The following MTIF2 variants were observed in gnomAD, a reference collection of about 807,000 sequenced individuals.
MTIF2 encodes mitochondrial translational initiation factor 2.
In MTIF2, 71 loss-of-function variants were observed where a neutral mutation model predicts 83.5. That is an observed-to-expected ratio of 0.85 (90% confidence interval 0.70 to 1.04). MTIF2 has a LOEUF of 1.04. Among genes scored for constraint, MTIF2 ranks in the 50% least tolerant of loss-of-function variants. The pLI is 0.00. For missense variants in MTIF2, 957 were observed against 846.5 expected, an observed-to-expected ratio of 1.13 and a Z score of -1.62; for synonymous variants, 319 against 287.1, an observed-to-expected ratio of 1.11 and a Z score of -1.12.
intron 10 of MTIF2, among the ~76,000 whole-genome samples, chr2:55,245,757 A>G (rs1300471666): frequency 6.6e-6 from 1 of 152,012 alleles, no homozygotes; most frequent in Non-Finnish European, 1.5e-5. Flanking sequence ...AATTTAAAAA[A>G]AAAATAATTT....
chr2:55,249,362 C>T (rs114895901), intron 9 of MTIF2, 33 bp downstream of exon 9: 2 of 1,609,934 alleles, frequency 1.2e-6, no homozygotes, highest in Admixed American at 3.4e-5. Context: ...GCATTCCCAT[C>T]CAGGCATATT....
chr2:55,262,109 T>C (rs1483178010), intron 5 of MTIF2, among the ~76,000 whole-genome samples: 1 of 152,188 alleles, frequency 6.6e-6, no homozygotes, highest in African/African-American at 2.4e-5. Flanking sequence ...TCCACTTTAA[T>C]TAAAAGCAAA....
intron 3 of MTIF2, among the ~76,000 whole-genome samples, chr2:55,264,756 T>C (rs911577986): frequency 6.6e-6 from 1 of 152,226 alleles, no homozygotes; most frequent in African/African-American, 2.4e-5. Flanking sequence ...CCAATATTTA[T>C]TGAATAATGC....
intron 6 of MTIF2, among the ~76,000 whole-genome samples, 188 bp from the exon 7 acceptor site, chr2:55,254,389 T>C (rs1232570795): frequency 2.0e-5 from 3 of 152,184 alleles, no homozygotes; most frequent in Non-Finnish European, 4.4e-5. Flanking sequence ...TACCTGTGGT[T>C]TGCATTTTCA....
chr2:55,243,230 T>C (rs1309739569), intron 12 of MTIF2, 150 bp from the exon 13 acceptor site: 2 of 1,040,490 alleles, frequency 1.9e-6, no homozygotes, highest in Middle Eastern at 2.4e-4. Context: ...CATATCTACT[T>C]GACTTAATAG....
In MTIF2 at chr2:55,260,291, C is replaced by T. The variant is rs150988123; in HGVS notation, c.331+2025G>A. Among the ~76,000 whole-genome samples the T allele has an allele frequency of 1.6e-3, 243 of 150,712 alleles. 1 individual carries two copies. In the Middle Eastern group the frequency reaches 0.017, roughly 11 times the overall value. ...GCACATGCCTGTAATCCCAGCTACT[C>T]GGGAGGCTTGAGACAGGAGAATTGC... On this transcript the variant is annotated intron_variant, in intron 5 of 15. Transcript: ENST00000263629.
chr2:55,237,184 G>T, intron 15 of MTIF2, 104 bp downstream of exon 15: 1 of 1,290,188 alleles, frequency 7.8e-7, no homozygotes, highest in Non-Finnish European at 1.1e-6. Flanking sequence ...AATGGCCTGA[G>T]CTGAGATTAT....
At chr2:55,251,300 A>G (rs1677078760) in intron 8 of MTIF2, among the ~76,000 whole-genome samples, 1 of 152,116 alleles carries the variant, frequency 6.6e-6, no homozygotes. Flanking sequence ...CCCTAGAATC[A>G]TTAAGAACAT....
intron 3 of MTIF2, among the ~76,000 whole-genome samples, chr2:55,266,180 C>T (rs752182797): frequency 1.3e-5 from 2 of 152,010 alleles, no homozygotes; most frequent in Non-Finnish European, 2.9e-5. Context: ...AATGCGTTTA[C>T]CTTAACCATA....
At chr2:55,248,853 TG>T (rs1676886320) in intron 9 of MTIF2, among the ~76,000 whole-genome samples, 1 of 152,170 alleles carries the variant, frequency 6.6e-6, no homozygotes. Context: ...AGACAGTCTT[TG>T]GTCAGGCATG....
At chr2:55,252,758 T>A in intron 7 of MTIF2, 105 bp from the exon 8 acceptor site, 1 of 763,084 alleles carries the variant, frequency 1.3e-6, no homozygotes, top group East Asian at 2.7e-5. Context: ...TTCTTTAAAA[T>A]AATTTTATTC....
Position 55,252,621 on chromosome 2 carries a change from GA to G in MTIF2, c.696del (p.Asp234IlefsTer11). On this transcript the variant is annotated frameshift_variant, in exon 8 of 16. Transcript: ENST00000263629. LOFTEE classifies it high-confidence loss of function. ...AAAGCAGCATGTCCTGGAGTATCAAGAAAAGTTATCTTTTCCCCAGAAGGCA... is the reference window on the plus strand; with the variant it reads ...AAAGCAGCATGTCCTGGAGTATCAAGAAAGTTATCTTTTCCCCAGAAGGCA... ...VSLPSGEKIT[F>X]LDTPGHAAFS... is the part of the protein sequence containing the mutation. 3 of 1,613,422 alleles carry G rather than the reference GA, an allele frequency of 1.9e-6. No individual in the cohort carries two copies. Among genetic ancestry groups the G allele is most frequent in the Non-Finnish European group, 1.7e-6 (2 of 1,179,692 alleles).
chr2:55,239,977 T>G (rs995969049), intron 14 of MTIF2, 34 bp downstream of exon 14: 1 of 1,577,318 alleles, frequency 6.3e-7, no homozygotes, highest in Non-Finnish European at 8.6e-7. Context: ...CCTAATATAC[T>G]AATTTTTAAA....
At position 55,254,217 on chromosome 2, in the gene MTIF2, A is replaced by T; in HGVS notation, c.504-16T>A. 6.2e-7 allele frequency: 1 copy of T among 1,603,478 alleles called. No homozygotes were observed. On this transcript the variant is annotated splice_polypyrimidine_tract_variant and intron_variant, in intron 6 of 15. Coordinates refer to ENST00000263629, the MANE Select transcript of MTIF2 (RefSeq NM_002453.3). ...TGCCTGGGGCCTACAATTAACAGCA[A>T]AAGAGTTTCATTTCTTAAATATCAG...
chr2:55,251,962 A>G (rs1677127492), intron 8 of MTIF2, among the ~76,000 whole-genome samples: 1 of 152,174 alleles, frequency 6.6e-6, no homozygotes, highest in Non-Finnish European at 1.5e-5. Flanking sequence ...ATTTATTATT[A>G]TAACTTTTAA....
chr2:55,244,518 C>T (rs1193331611), intron 10 of MTIF2, among the ~76,000 whole-genome samples: 2 of 152,154 alleles, frequency 1.3e-5, no homozygotes, highest in African/African-American at 2.4e-5. Context: ...TTGCGATAGC[C>T]AAGAAGTAGA....
intron 5 of MTIF2, among the ~76,000 whole-genome samples, chr2:55,259,834 C>T (rs550020314): frequency 6.6e-6 from 1 of 152,142 alleles, no homozygotes; most frequent in South Asian, 2.1e-4. Flanking sequence ...ATCCTAGCTA[C>T]TTAGGAGGCT....
At position 55,255,032 on chromosome 2, in the gene MTIF2, G is replaced by A. The variant is rs562858590; in HGVS notation, c.332-207C>T. Among the ~76,000 whole-genome samples, 14 of 151,716 alleles carry A rather than the reference G, an allele frequency of 9.2e-5. No individual in the cohort carries two copies. The East Asian group carries it at 2.1e-3, about 23-fold the overall frequency. On this transcript the variant is annotated intron_variant, in intron 5 of 15. Coordinates refer to ENST00000263629, the MANE Select transcript of MTIF2 (RefSeq NM_002453.3). ...TACATTTCTATTAACTGACTTTTCC[G>A]CATATTCATAAATATTTGAATATTT...
At chr2:55,264,476 A>G (rs533404298) in intron 3 of MTIF2, among the ~76,000 whole-genome samples, 3 of 152,178 alleles carry the variant, frequency 2.0e-5, no homozygotes, top group African/African-American at 7.2e-5. Context: ...GGATCTAGTG[A>G]TCCACCTTGG....
Sources: allele counts gnomAD v4.1 joint callset (sites outside exome capture counted in the v4.1 genomes callset), GRCh38; gene constraint gnomAD v4.1.1; transcripts MANE v1.5; gene names NCBI Gene and HGNC (gene_info 2026-07-23, HGNC 2026-07-21).